ZNF160: variants seen among roughly 807,000 people sequenced by gnomAD.
ZNF160 encodes the protein KRAB zinc finger protein KR18.
Under a neutral mutation model 13.1 loss-of-function variants are expected in ZNF160, and 9 were observed. The ratio of observed to expected loss-of-function variants is 0.69; its 90% confidence interval spans 0.41 to 1.20. The LOEUF is 1.20. Among genes scored for constraint, ZNF160 ranks in the 50% most tolerant of loss-of-function variants. ZNF160 has a pLI of 0.01. For synonymous variants in ZNF160, 293 were observed against 333.2 expected (o/e 0.88, Z 1.31); for missense variants, 838 against 988.0 (o/e 0.85, Z 2.04).
In ZNF160 at chr19:53,091,736, A is replaced by C. The variant is rs559703553; in HGVS notation, c.-353-16T>G. The C allele has an allele frequency of 3.3e-5, 5 of 152,388 alleles. No homozygotes were observed. The highest frequency in any genetic ancestry group is 9.6e-5 in the African/African-American group (4 of 41,594). The allele number at this position is 152,388 out of a possible 1,614,324, so 9.4% of individuals were successfully genotyped here. A position where few individuals can be genotyped will look rare whatever the true frequency, so the allele number is the denominator to read the frequency against. ...AGGAACGTTTCTGCAATTAAAATTAAGCATTTAAAGAAATGCTGTAACTGA... is the reference window on the plus strand; with the variant it reads ...AGGAACGTTTCTGCAATTAAAATTACGCATTTAAAGAAATGCTGTAACTGA... On this transcript the variant is annotated splice_polypyrimidine_tract_variant and intron_variant, in intron 1 of 5. Transcript: ENST00000683776.
chr19:53,087,969 T>C (rs1449244385), intron 2 of ZNF160, among the ~76,000 whole-genome samples: 3 of 152,050 alleles, frequency 2.0e-5, no homozygotes, highest in Non-Finnish European at 4.4e-5. Context: ...GCAGGGTACA[T>C]GGGGCTGAGT....
At chr19:53,088,907 A>T (rs2084938815) in intron 2 of ZNF160, among the ~76,000 whole-genome samples, 1 of 152,214 alleles carries the variant, frequency 6.6e-6, no homozygotes, top group South Asian at 2.1e-4. Context: ...GACTGCCCTC[A>T]CTTCATATGC....
At chr19:53,089,689 T>G (rs1212793975) in intron 2 of ZNF160, among the ~76,000 whole-genome samples, 1 of 152,162 alleles carries the variant, frequency 6.6e-6, no homozygotes, top group African/African-American at 2.4e-5. Flanking sequence ...GAAATCAACA[T>G]GTCACAACTA....
intron 1 of ZNF160, among the ~76,000 whole-genome samples, chr19:53,099,214 G>C (rs1265842348): frequency 6.6e-6 from 1 of 152,198 alleles, no homozygotes; most frequent in Non-Finnish European, 1.5e-5. Flanking sequence ...ATTTCAGATG[G>C]GGGTGCAAGA....
chr19:53,069,672 T>C lies in ZNF160; in HGVS notation c.862A>G (p.Ser288Gly). The change falls in exon 6 of 6, where the codon AGT becomes GGT. Residue 288 changes from serine (S) to glycine (G), a missense_variant. Coordinates refer to ENST00000683776, the MANE Select transcript of ZNF160 (RefSeq NM_001322131.2). The surrounding 1 kb of genome is among the most constrained non-coding windows in gnomAD (Gnocchi z 4.4). ...IHSGEKPYKC[S>G]ECGKTFTVRS... ...ACAGTAAAGGTTTTGCCGCACTCAC[T>C]GCATTTGTAAGGCTTCTCTCCACTA... is the stretch of plus-strand genomic sequence containing the variant. The C allele has an allele frequency of 6.2e-7, 1 of 1,614,146 alleles. No individual in the cohort carries two copies.
rs570943471 is a variant in ZNF160, at chr19:53,102,716, G to A, written c.-354+549C>T. On this transcript the variant is annotated intron_variant, in intron 1 of 5. Transcript: ENST00000683776. ...GTCTCTCTTTCTCCTGATTCCCTTG[G>A]GCCACACATTCACTGGAGGGTTTGT... is the stretch of plus-strand genomic sequence containing the variant. Among the ~76,000 whole-genome samples the A allele has an allele frequency of 4.6e-5, 7 of 151,974 alleles. No individual in the cohort carries two copies. The East Asian group carries it at 1.2e-3, about 25-fold the overall frequency.
Position 53,093,868 on chromosome 19 carries a change from T to C in ZNF160, c.-353-2148A>G, listed in dbSNP as rs549935204. On this transcript the variant is annotated intron_variant, in intron 1 of 5. Transcript: ENST00000683776. ...TTCCTGTCACACATAAGAGACATCA[T>C]TAACTGCTAAAGGAAAATTTCAGCT... 2.0e-5 allele frequency among the ~76,000 whole-genome samples: 3 copies of C among 152,316 alleles called. No homozygotes were observed. The East Asian group carries it at 5.8e-4, about 29-fold the overall frequency.
rs2084067258 is a variant in ZNF160, at chr19:53,069,073, G to C, written c.1461C>G (p.Ser487Arg). The change falls in exon 6 of 6, where the codon AGC becomes AGG. Residue 487 changes from serine to arginine, a missense_variant. Ser to Arg is a moderately radical substitution (Grantham distance 110). Transcript: ENST00000683776. This position sits in a 1 kb window ranked among gnomAD's most constrained non-coding sequence, Gnocchi z 4.4. ...GTKPFKCNEC[S>R]KVFTQNSQLA... is the part of the protein sequence containing the mutation. ...GTTGTGAATTTTGAGTGAAAACCTT[G>C]CTGCATTCATTGCATTTGAAAGGTT... 6.2e-7 allele frequency: 1 copy of C among 1,614,112 alleles called. No individual in the cohort carries two copies. Among genetic ancestry groups the C allele is most frequent in the East Asian group, 2.2e-5 (1 of 44,868 alleles).
intron 2 of ZNF160, among the ~76,000 whole-genome samples, chr19:53,086,724 G>T (rs2084849421): frequency 6.6e-6 from 1 of 152,186 alleles, no homozygotes; most frequent in African/African-American, 2.4e-5. Flanking sequence ...TTGGTACTAT[G>T]CTGGCTACAG....
At chr19:53,071,902 G>A (rs1371767473) in intron 5 of ZNF160, among the ~76,000 whole-genome samples, 1 of 151,978 alleles carries the variant, frequency 6.6e-6, no homozygotes, top group African/African-American at 2.4e-5. Context: ...TATTATAATG[G>A]CAAAGAGCTC....
At chr19:53,078,050 GC>G (rs1799467558) in intron 3 of ZNF160, among the ~76,000 whole-genome samples, 1 of 152,086 alleles carries the variant, frequency 6.6e-6, no homozygotes, top group Non-Finnish European at 1.5e-5. Context: ...GACCAGCCTG[GC>G]CAACATGATG....
Position 53,068,527 on chromosome 19 carries a change from G to A in ZNF160, c.2007C>T (p.Val669=), listed in dbSNP as rs1011620363. ...SMHSNLTTHK[V]IHTGEKPYKC... ...TGTAAGGCTTCTCTCCAGTATGGAT[G>A]ACCTTATGGGTAGTTAGGTTTGAAT... Residue 669 remains valine (V), a synonymous_variant, in exon 6 of 6, where the codon GTC becomes GTT. Coordinates refer to ENST00000683776, the MANE Select transcript of ZNF160 (RefSeq NM_001322131.2). 2 of 1,612,650 alleles carry A rather than the reference G, an allele frequency of 1.2e-6. No homozygotes were observed. The highest frequency in any genetic ancestry group is 1.7e-6 in the Non-Finnish European group (2 of 1,179,568).
In ZNF160 at chr19:53,069,799, T is replaced by G; in HGVS notation, c.735A>C (p.Thr245=). 2 of 1,614,216 alleles carry G rather than the reference T, an allele frequency of 1.2e-6. No individual in the cohort carries two copies. The highest frequency in any genetic ancestry group is 1.7e-6 in the Non-Finnish European group (2 of 1,180,034). ...YHELNHFSLL[T]QRRKANSCGK... ...CACAACTGTTTGCTTTTCGTCTTTG[T>G]GTGAGTAATGAAAAATGGTTAAGTT... The change falls in exon 6 of 6, where the codon ACA becomes ACC. Residue 245 remains threonine (T), a synonymous_variant. Transcript: ENST00000683776. The surrounding 1 kb of genome is among the most constrained non-coding windows in gnomAD (Gnocchi z 4.4).
At chr19:53,098,276 G>A (rs918994033) in intron 1 of ZNF160, among the ~76,000 whole-genome samples, 18 of 152,080 alleles carry the variant, frequency 1.2e-4, no homozygotes, top group Non-Finnish European at 2.9e-5. Context: ...TAGAGGCTCA[G>A]CATTGCTTCC....
intron 1 of ZNF160, among the ~76,000 whole-genome samples, chr19:53,096,568 A>G (rs950753951): frequency 6.8e-6 from 1 of 146,562 alleles, no homozygotes; most frequent in Admixed American, 6.8e-5. Flanking sequence ...CATGGAAAAA[A>G]GGTCCTGGGG....
intron 2 of ZNF160, among the ~76,000 whole-genome samples, chr19:53,088,983 T>C (rs1421651171): frequency 6.6e-6 from 1 of 152,266 alleles, no homozygotes; most frequent in African/African-American, 2.4e-5. Context: ...AATAACTAGC[T>C]AGCACAGCTT....
At chr19:53,084,801 C>T (rs962182879) in intron 3 of ZNF160, among the ~76,000 whole-genome samples, 1 of 152,120 alleles carries the variant, frequency 6.6e-6, no homozygotes, top group Non-Finnish European at 1.5e-5. Context: ...GAGGGCACCT[C>T]TGCACCTGGG....
rs55829838 is a variant in ZNF160, at chr19:53,074,669, C to CAAA, written c.142+385_142+387dup. Among the ~76,000 whole-genome samples the CAAA allele has an allele frequency of 7.7e-3, 947 of 123,392 alleles. 10 individuals carry two copies. The highest frequency in any genetic ancestry group is 9.0e-3 in the Non-Finnish European group (544 of 60,778). The allele number at this position is 123,392 out of a possible 152,430, so 80.9% of individuals were successfully genotyped here. On this transcript the variant is annotated intron_variant, in intron 4 of 5. Transcript: ENST00000683776. ...CGGGCGACAGAGCGAGACTCCGCCT[C>CAAA]AAAAAAAAAAAAAAAAAATCATCCA...
At chr19:53,093,632 C>G (rs2085115925) in intron 1 of ZNF160, 1 of 152,076 alleles carries the variant, frequency 6.6e-6, no homozygotes, top group South Asian at 2.1e-4. Flanking sequence ...CATAGTAAGA[C>G]CCCATCTATA....
Sources: allele counts gnomAD v4.1 joint callset (sites outside exome capture counted in the v4.1 genomes callset), GRCh38; gene constraint gnomAD v4.1.1; non-coding constraint Gnocchi (gnomAD v3.1); transcripts MANE v1.5; gene names NCBI Gene and HGNC (gene_info 2026-07-23, HGNC 2026-07-21).